The following LIPA variants were observed in gnomAD, a reference collection of about 807,000 sequenced individuals.
LIPA encodes lipase A, lysosomal acid type, also known as lysosomal acid lipase/cholesteryl ester hydrolase.
LIPA carries 26 observed loss-of-function variants against 40.6 expected under a neutral mutation model. That is an observed-to-expected ratio of 0.64 (90% confidence interval 0.47 to 0.89). The LOEUF (loss-of-function observed/expected upper bound fraction) is 0.89, where lower values mean the gene tolerates loss of function less well. LIPA is among the 40% of genes least tolerant of loss of function. The pLI, the probability that LIPA is intolerant of heterozygous loss-of-function variation, is 0.00. For synonymous variants in LIPA, 188 were observed against 168.4 expected (o/e 1.12, Z -0.90); for missense variants, 455 against 479.6 (o/e 0.95, Z 0.48).
intron 1 of LIPA, chr10:89,291,884 T>C (rs1028542778): frequency 6.6e-6 from 1 of 152,228 alleles, no homozygotes; most frequent in Non-Finnish European, 1.5e-5. Flanking sequence ...AGGTGGGCCA[T>C]GAACTAGTGC....
intron 2 of LIPA, among the ~76,000 whole-genome samples, chr10:89,386,946 A>AGTGTGTGTGTGTGTGT (rs756939371): frequency 3.2e-5 from 4 of 125,872 alleles, no homozygotes; most frequent in African/African-American, 1.1e-4. Flanking sequence ...TGGGTATATG[A>AGTGTGTGTGTGTGTGT]GTGTGTGTGT....
intron 1 of LIPA, among the ~76,000 whole-genome samples, chr10:89,295,067 A>T (rs1843405292): frequency 6.7e-6 from 1 of 150,160 alleles, no homozygotes; most frequent in African/African-American, 2.5e-5. Context: ...AAAGGAAAGG[A>T]AAGGAAAGGA....
At chr10:89,218,758 T>A (rs1253143507) in intron 8 of LIPA, among the ~76,000 whole-genome samples, 1 of 152,176 alleles carries the variant, frequency 6.6e-6, no homozygotes, top group Non-Finnish European at 1.5e-5. Context: ...CATGGCCTCA[T>A]GGAACACAGC....
intron 2 of LIPA, among the ~76,000 whole-genome samples, chr10:89,387,621 CTGTGTT>C (rs1844219854): frequency 6.6e-6 from 1 of 152,194 alleles, no homozygotes; most frequent in Non-Finnish European, 1.5e-5. Flanking sequence ...CCAGACTTCT[CTGTGTT>C]TGTTTTTGCA....
Position 89,387,317 on chromosome 10 carries a change from C to CAAA in LIPA, c.61+25471_61+25473dup, listed in dbSNP as rs565296927. On this transcript the variant is annotated intron_variant, in intron 2 of 8. Transcript: ENST00000371837. Reference sequence around the variant, plus strand: ...TGGGTGACAGAGCAAGACTCCGTCTCAAAAAAAAAAAAAAAAAAATCTATT... The same window carrying CAAA: ...TGGGTGACAGAGCAAGACTCCGTCTCAAAAAAAAAAAAAAAAAAAAAATCTATT... Among the ~76,000 whole-genome samples, 496 of 83,594 alleles carry CAAA rather than the reference C, an allele frequency of 5.9e-3. 12 individuals are homozygous for CAAA. Among genetic ancestry groups the CAAA allele is most frequent in the South Asian group, 0.026 (72 of 2,722 alleles). The allele number at this position is 83,594 out of a possible 152,430, so 54.8% of individuals were successfully genotyped here. A position where few individuals can be genotyped will look rare whatever the true frequency, so the allele number is the denominator to read the frequency against.
chr10:89,326,252 T>C (rs749383068), intron 1 of LIPA, among the ~76,000 whole-genome samples: 1 of 152,164 alleles, frequency 6.6e-6, no homozygotes, highest in Non-Finnish European at 1.5e-5. Flanking sequence ...GAGTGCTCTT[T>C]AGCCATAAAA....
chr10:89,264,961 A>T (rs1440998578), intron 1 of LIPA, among the ~76,000 whole-genome samples: 2 of 152,158 alleles, frequency 1.3e-5, no homozygotes, highest in Non-Finnish European at 2.9e-5. Context: ...CATGCTAAGC[A>T]ACCCTCAGCA....
intron 2 of LIPA, among the ~76,000 whole-genome samples, chr10:89,350,951 C>A (rs1177863435): frequency 2.0e-5 from 3 of 152,156 alleles, no homozygotes; most frequent in African/African-American, 7.2e-5. Context: ...TTTGCTTACA[C>A]ACTCTTTCAT....
chr10:89,328,094 A>G, intron 1 of LIPA: 1 of 1,613,254 alleles, frequency 6.2e-7, no homozygotes, highest in African/African-American at 1.3e-5. Context: ...TGAAATAAGA[A>G]TGCATAATCA....
intron 3 of LIPA, among the ~76,000 whole-genome samples, chr10:89,239,234 C>T (rs962957724): frequency 5.9e-5 from 9 of 152,226 alleles, no homozygotes; most frequent in South Asian, 2.1e-4. Context: ...TTATCAGGGA[C>T]ATCATAGCTG....
chr10:89,381,781 TTTTC>T (rs1217807003), intron 2 of LIPA, among the ~76,000 whole-genome samples: 1 of 152,116 alleles, frequency 6.6e-6, no homozygotes, highest in African/African-American at 2.4e-5. Context: ...CTTTCCTTTA[TTTTC>T]TTTATTATTA....
intron 2 of LIPA, among the ~76,000 whole-genome samples, chr10:89,355,378 A>G (rs1843983523): frequency 6.6e-6 from 1 of 152,248 alleles, no homozygotes; most frequent in Non-Finnish European, 1.5e-5. Context: ...CTCAGATCTC[A>G]TTCCCTGTCA....
chr10:89,275,509 G>A (rs571583984), intron 1 of LIPA, among the ~76,000 whole-genome samples: 2 of 152,242 alleles, frequency 1.3e-5, no homozygotes, highest in East Asian at 3.9e-4. Context: ...TTTTCCACCT[G>A]CCTTATGTAC....
chr10:89,262,125 T>A (rs1185859649), intron 1 of LIPA, among the ~76,000 whole-genome samples: 1 of 152,164 alleles, frequency 6.6e-6, no homozygotes, highest in African/African-American at 2.4e-5. Context: ...TTTTTATTGT[T>A]ACCTGACTAG....
intron 2 of LIPA, among the ~76,000 whole-genome samples, chr10:89,380,690 C>T (rs1278177785): frequency 6.6e-6 from 1 of 152,150 alleles, no homozygotes; most frequent in Non-Finnish European, 1.5e-5. Context: ...GCCTTGGACT[C>T]TCAAAGTGTT....
At chr10:89,333,387 A>G (rs1843679741) in intron 1 of LIPA, among the ~76,000 whole-genome samples, 1 of 152,252 alleles carries the variant, frequency 6.6e-6, no homozygotes, top group Non-Finnish European at 1.5e-5. Context: ...CAAGTACTTC[A>G]TAGGCATACT....
intron 2 of LIPA, among the ~76,000 whole-genome samples, chr10:89,357,792 A>G (rs1335851113): frequency 1.3e-5 from 2 of 152,240 alleles, no homozygotes; most frequent in Non-Finnish European, 2.9e-5. Flanking sequence ...TTTATTTGAA[A>G]GCATCAATGC....
intron 2 of LIPA, chr10:89,392,700 A>G (rs1296737807): frequency 3.1e-6 from 5 of 1,614,112 alleles, no homozygotes; most frequent in Non-Finnish European, 3.4e-6. Context: ...CGGCTGCCTA[A>G]TTTACAGCAA....
intron 1 of LIPA, among the ~76,000 whole-genome samples, chr10:89,317,064 C>T (rs935677450): frequency 6.6e-6 from 1 of 152,186 alleles, no homozygotes; most frequent in Non-Finnish European, 1.5e-5. Flanking sequence ...CTGTATGTCA[C>T]CATCATCAAA....
Sources: allele counts gnomAD v4.1 joint callset (sites outside exome capture counted in the v4.1 genomes callset), GRCh38; gene constraint gnomAD v4.1.1; transcripts MANE v1.5; gene names NCBI Gene and HGNC (gene_info 2026-07-23, HGNC 2026-07-21).